GLMN: variants seen among roughly 807,000 people sequenced by gnomAD.
GLMN encodes glomulin.
Under a neutral mutation model 87.8 loss-of-function variants are expected in GLMN, and 75 were observed. The ratio of observed to expected loss-of-function variants is 0.85; its 90% CI spans 0.71 to 1.04. The LOEUF is 1.04. Ranked by LOEUF, GLMN falls within the 50% of genes least tolerant of loss-of-function variation. The pLI is 0.00. For synonymous variants in GLMN, 206 were observed against 221.6 expected (o/e 0.93, Z 0.63); for missense variants, 588 against 658.8 (o/e 0.89, Z 1.18).
chr1:92,368,361 A>G, the GLMN span, among the ~76,000 whole-genome samples: 1 of 152,020 alleles, frequency 6.6e-6, no homozygotes, highest in East Asian at 1.9e-4. Flanking sequence ...CCTGGGCGAC[A>G]GAGCAAGACT....
At chr1:92,304,316 A>G in the GLMN span, 1 of 1,519,022 alleles carries the variant, frequency 6.6e-7, no homozygotes, top group Admixed American at 1.8e-5. Context: ...TTTCTACCAA[A>G]ACCAATAAAG....
chr1:92,283,649 G>A (rs192694045), intron 7 of GLMN, among the ~76,000 whole-genome samples: 486 of 152,250 alleles, frequency 3.2e-3, no homozygotes, highest in Admixed American at 5.6e-3. Flanking sequence ...GAAATAAAGG[G>A]TATTTGATTA....
chr1:92,321,971 A>T, the GLMN span, among the ~76,000 whole-genome samples: 125 of 141,076 alleles, frequency 8.9e-4, 1 homozygote, highest in African/African-American at 2.8e-3. Flanking sequence ...TTCAAGACAG[A>T]GTCTCACTCT....
chr1:92,320,012 A>G, the GLMN span, among the ~76,000 whole-genome samples: 7 of 152,098 alleles, frequency 4.6e-5, no homozygotes, highest in South Asian at 8.3e-4. Context: ...AAAAAAAAAA[A>G]GAAAAAGAAA....
intron 6 of GLMN, 142 bp from the exon 7 acceptor site, chr1:92,286,734 T>C: frequency 4.5e-6 from 3 of 664,616 alleles, no homozygotes; most frequent in Non-Finnish European, 8.2e-6. Context: ...AAAACTCATG[T>C]TGAAATTTAA....
chr1:92,356,695 G>A, the GLMN span, among the ~76,000 whole-genome samples: 10 of 150,412 alleles, frequency 6.6e-5, no homozygotes, highest in East Asian at 2.0e-4. Flanking sequence ...TCAGCCTTCC[G>A]AAGTGCTGGG....
At chr1:92,334,892 G>A in the GLMN span, among the ~76,000 whole-genome samples, 2 of 152,156 alleles carry the variant, frequency 1.3e-5, no homozygotes, top group African/African-American at 4.8e-5. Flanking sequence ...GGAGGCTGAG[G>A]CAGGAGAATG....
the GLMN span, among the ~76,000 whole-genome samples, chr1:92,326,555 G>A: frequency 5.3e-4 from 80 of 152,308 alleles, no homozygotes; most frequent in African/African-American, 1.7e-3. Flanking sequence ...TTCAGCTACC[G>A]GAGTGGGTAG....
chr1:92,367,601 A>G, the GLMN span, among the ~76,000 whole-genome samples: 5 of 152,144 alleles, frequency 3.3e-5, no homozygotes, highest in African/African-American at 1.2e-4. Flanking sequence ...ACCTTTATGC[A>G]TGGTAATCAG....
chr1:92,285,233 G>C (rs1242480140), intron 7 of GLMN, among the ~76,000 whole-genome samples: 2 of 152,178 alleles, frequency 1.3e-5, no homozygotes, highest in Non-Finnish European at 2.9e-5. Context: ...ATCAATGATA[G>C]ACTAGATTAA....
the GLMN span, among the ~76,000 whole-genome samples, chr1:92,345,677 A>G: frequency 6.6e-6 from 1 of 152,274 alleles, no homozygotes; most frequent in Admixed American, 6.5e-5. Flanking sequence ...TCAGATAGTG[A>G]CTATTGAGCC....
At chr1:92,271,925 A>G (rs972402112) in intron 7 of GLMN, among the ~76,000 whole-genome samples, 1 of 152,184 alleles carries the variant, frequency 6.6e-6, no homozygotes, top group Non-Finnish European at 1.5e-5. Flanking sequence ...TTAATCAGGT[A>G]TATTTTTAAA....
the GLMN span, among the ~76,000 whole-genome samples, chr1:92,347,999 T>C: frequency 6.6e-6 from 1 of 152,042 alleles, no homozygotes; most frequent in Admixed American, 6.6e-5. Context: ...AGCCTCTGCC[T>C]CCCGGGTTCA....
the GLMN span, among the ~76,000 whole-genome samples, chr1:92,366,877 T>C: frequency 6.6e-6 from 1 of 152,180 alleles, no homozygotes; most frequent in African/African-American, 2.4e-5. Flanking sequence ...GCTCTTCATT[T>C]CAGTTTTGAT....
chr1:92,322,021 C>T, the GLMN span, among the ~76,000 whole-genome samples: 1 of 149,588 alleles, frequency 6.7e-6, no homozygotes, highest in Non-Finnish European at 1.5e-5. Flanking sequence ...TCTCGGCTCA[C>T]TGCAACCTCT....
chr1:92,300,323 CTTT>C, upstream of GLMN: 5 of 831,618 alleles, frequency 6.0e-6, no homozygotes, highest in African/African-American at 1.8e-5. Flanking sequence ...TAATGGTTAC[CTTT>C]TTTTTTTTAG....
intron 2 of GLMN, 99 bp downstream of exon 2, chr1:92,297,862 G>C: frequency 1.4e-6 from 1 of 730,428 alleles, no homozygotes; most frequent in Non-Finnish European, 2.4e-6. Flanking sequence ...AAGGATTAAA[G>C]AAGATAAACA....
the GLMN span, among the ~76,000 whole-genome samples, chr1:92,315,701 C>G: frequency 8.5e-5 from 13 of 152,174 alleles, no homozygotes; most frequent in African/African-American, 3.1e-4. Flanking sequence ...TAGACAAATT[C>G]ATAAATTCTA....
chr1:92,297,623 A>T (rs1196381408), intron 2 of GLMN, 94 bp from the exon 3 acceptor site: 12 of 1,103,676 alleles, frequency 1.1e-5, no homozygotes, highest in Non-Finnish European at 1.3e-6. Flanking sequence ...TCTATGAAAA[A>T]AGGAAATCTG....
Sources: allele counts gnomAD v4.1 joint callset (sites outside exome capture counted in the v4.1 genomes callset), GRCh38; gene constraint gnomAD v4.1.1; transcripts MANE v1.5; gene names NCBI Gene and HGNC (gene_info 2026-07-23, HGNC 2026-07-21).